KIAA1549: variants seen among roughly 807,000 people sequenced by gnomAD.
KIAA1549 encodes the protein UPF0606 protein KIAA1549.
A neutral mutation model predicts 156.4 loss-of-function variants in KIAA1549; 70 were observed. That is an observed-to-expected ratio of 0.45 (90% CI 0.37 to 0.55). The LOEUF (loss-of-function observed/expected upper bound fraction) is 0.55. KIAA1549 is among the 20% of genes least tolerant of loss of function. KIAA1549 has a pLI of 0.00. For synonymous variants in KIAA1549, 1,103 were observed against 1,066.4 expected, an observed-to-expected ratio of 1.03 and a Z score of -0.67; for missense variants, 2,428 against 2,540.9, an observed-to-expected ratio of 0.96 and a Z score of 0.96.
chr7:138,835,231 C>T lies in KIAA1549; in HGVS notation c.*2675G>A, dbSNP rs1169566497. The T allele has an allele frequency of 4.7e-6, 1 of 214,742 alleles. No homozygotes were observed. The highest frequency in any genetic ancestry group is 2.3e-5 in the African/African-American group (1 of 44,246). The allele number at this position is 214,742 out of a possible 1,614,324, so 13.3% of individuals were successfully genotyped here. ...AGCTAGTTTTTTCTGAGTTTGGTGA[C>T]TGGCAAAACTGTTGTGGCAGGCGTC... On this transcript the variant is annotated 3_prime_UTR_variant, in exon 20 of 20. Transcript: ENST00000422774.
Position 138,917,611 on chromosome 7 carries a change from A to T in KIAA1549, c.2015T>A (p.Leu672Ter). 1 of 1,613,934 alleles carries T rather than the reference A, an allele frequency of 6.2e-7. No individual in the cohort carries two copies. The highest frequency in any genetic ancestry group is 8.5e-7 in the Non-Finnish European group (1 of 1,179,866). ...SFSPLVETFT[L>*]FDSSDLQSSQ... ...TGACTGCAGATCACTAGAGTCAAAC[A>T]ATGTAAATGTCTCAACCAAGGGAGA... Residue 672 changes from leucine to a stop codon, truncating the protein, a stop_gained, in exon 2 of 20, where the codon TTG becomes TAG. Coordinates refer to ENST00000422774, the MANE Select transcript of KIAA1549 (RefSeq NM_001164665.2). LOFTEE classifies it high-confidence loss of function.
chr7:138,974,131 G>A (rs1814303568), intron 1 of KIAA1549, among the ~76,000 whole-genome samples: 1 of 152,182 alleles, frequency 6.6e-6, no homozygotes, highest in African/African-American at 2.4e-5. Flanking sequence ...TGGTCAACAG[G>A]TAAAGAAAAA....
At chr7:138,885,268 T>C (rs1304830786) in intron 10 of KIAA1549, among the ~76,000 whole-genome samples, 1 of 151,828 alleles carries the variant, frequency 6.6e-6, no homozygotes, top group Non-Finnish European at 1.5e-5. Flanking sequence ...ATATGTGGAG[T>C]CCTGATAAGT....
rs1461175830 is a variant in KIAA1549, at chr7:138,918,455, A to G, written c.1171T>C (p.Ser391Pro). Residue 391 changes from serine to proline, a missense_variant, in exon 2 of 20, where the codon TCC becomes CCC. By Grantham distance (74) the Ser-to-Pro change is moderately conservative. Around this residue, in one of 5 missense-constraint regions of KIAA1549, gnomAD observed 893 missense variants for 847.9 expected, o/e 1.05. Transcript: ENST00000422774. This position sits in a 1 kb window ranked among gnomAD's most constrained non-coding sequence, Gnocchi z 4.2. ...AGGGCTGAATTGCTATGCAATTCGGATGTTTTGCTGGAGTCGCTAGGGAGA... is the reference window on the plus strand; with the variant it reads ...AGGGCTGAATTGCTATGCAATTCGGGTGTTTTGCTGGAGTCGCTAGGGAGA... ...PFLPSDSSKT[S>P]ELHSNSALPG... 1 of 1,613,952 alleles carries G rather than the reference A, an allele frequency of 6.2e-7. No homozygotes were observed. Among genetic ancestry groups the G allele is most frequent in the Non-Finnish European group, 8.5e-7 (1 of 1,179,892 alleles).
chr7:138,978,277 T>C (rs1210617948), intron 1 of KIAA1549, among the ~76,000 whole-genome samples: 1 of 152,180 alleles, frequency 6.6e-6, no homozygotes, highest in Non-Finnish European at 1.5e-5. Flanking sequence ...TTCAGTAATT[T>C]CCAAATTCCC....
At position 138,899,094 on chromosome 7, in the gene KIAA1549, C is replaced by A. The variant is rs7802841; in HGVS notation, c.3708G>T (p.Pro1236=). 0.7 allele frequency: 1,129,868 copies of A among 1,613,098 alleles called. 397,852 individuals are homozygous for A. Among genetic ancestry groups the A allele is most frequent in the East Asian group, 0.91 (41,062 of 44,884 alleles). Residue 1236 remains proline (P), a synonymous_variant, in exon 9 of 20, where the codon CCG becomes CCT. Transcript: ENST00000422774. ...CCTCCACAAAGTAGATGAGCTGTACCGGATTGTCATCTCCCTCCAGCCTCG... is the reference window on the plus strand; with the variant it reads ...CCTCCACAAAGTAGATGAGCTGTACAGGATTGTCATCTCCCTCCAGCCTCG... ...NVSRLEGDDN[P]VQLIYFVEDQ... is the part of the protein sequence containing the mutation.
At chr7:138,888,941 C>T (rs10238046) in intron 10 of KIAA1549, among the ~76,000 whole-genome samples, 3,316 of 152,248 alleles carry the variant, frequency 0.022, 119 homozygotes, top group African/African-American at 0.076. Context: ...CTAACAGGAG[C>T]GATTTCCAAT....
Position 138,957,145 on chromosome 7 carries a change from C to T in KIAA1549, c.187+23938G>A, listed in dbSNP as rs146338047. ...GGCACAGGGGCATAAAACAGTTCAA[C>T]GCAGTTCCCCATATGGGGAATGACC... On this transcript the variant is annotated intron_variant, in intron 1 of 19. Transcript: ENST00000422774. Among the ~76,000 whole-genome samples, 54 of 152,302 alleles carry T rather than the reference C, an allele frequency of 3.5e-4. No individual in the cohort carries two copies. The East Asian group carries it at 8.9e-3, about 25-fold the overall frequency.
chr7:138,905,501 A>G (rs1165408756), intron 6 of KIAA1549, among the ~76,000 whole-genome samples: 1 of 152,238 alleles, frequency 6.6e-6, no homozygotes, highest in Non-Finnish European at 1.5e-5. Context: ...TTAGCCATAC[A>G]CACACTGAGC....
chr7:138,902,740 C>T (rs1811877140), intron 8 of KIAA1549, among the ~76,000 whole-genome samples: 1 of 151,962 alleles, frequency 6.6e-6, no homozygotes, highest in Admixed American at 6.6e-5. Flanking sequence ...ACCTGGGAGG[C>T]AGATGTTGTA....
Position 138,917,105 on chromosome 7 carries a change from C to G in KIAA1549, c.2521G>C (p.Asp841His). ...GAGGATCCTGATGGCAGGTACGCGT[C>G]AGTGATCAACACCGTACCAGTGGGA... is the stretch of plus-strand genomic sequence containing the variant. ...AIPTGTVLIT[D>H]AYLPSGSSFV... Residue 841 changes from aspartate to histidine, a missense_variant, in exon 2 of 20, where the codon GAC becomes CAC. This residue lies in a region of KIAA1549 where 762 missense variants were observed against 901.6 expected (regional missense o/e 0.85). Transcript: ENST00000422774. The G allele has an allele frequency of 6.2e-7, 1 of 1,611,082 alleles. No homozygotes were observed. The highest frequency in any genetic ancestry group is 8.5e-7 in the Non-Finnish European group (1 of 1,178,582).
intron 2 of KIAA1549, among the ~76,000 whole-genome samples, chr7:138,915,600 C>T (rs973965710): frequency 6.6e-6 from 1 of 151,964 alleles, no homozygotes; most frequent in African/African-American, 2.4e-5. Flanking sequence ...CCCAGCAACC[C>T]CGACCACAGA....
chr7:138,898,575 C>A (rs1811754205), intron 9 of KIAA1549, among the ~76,000 whole-genome samples: 1 of 152,118 alleles, frequency 6.6e-6, no homozygotes, highest in South Asian at 2.1e-4. Context: ...GACTCACTGT[C>A]CCCGCCAATG....
intron 1 of KIAA1549, among the ~76,000 whole-genome samples, chr7:138,978,271 G>T (rs1814439061): frequency 6.6e-6 from 1 of 152,034 alleles, no homozygotes; most frequent in Non-Finnish European, 1.5e-5. Context: ...GTACCTTTCA[G>T]TAATTTCCAA....
At chr7:138,895,432 G>C (rs888411772) in intron 9 of KIAA1549, among the ~76,000 whole-genome samples, 12 of 152,132 alleles carry the variant, frequency 7.9e-5, no homozygotes, top group African/African-American at 2.9e-4. Flanking sequence ...CCATACAATG[G>C]AATATCATTC....
rs2130378811 is a variant in KIAA1549 at position 138,868,014 on chromosome 7, C to A, written c.4890G>T (p.Arg1630Ser). The part of the protein sequence containing the change: ...ITTDSDGTYR[R>S]PPGVHNSAYI... The stretch of plus-strand genomic sequence containing the variant: ...AGGCTGAGTTGTGGACGCCGGGGGG[C>A]CTCCTGTAGGTGCCATCGCTGTCTG... Residue 1630 changes from arginine to serine, a missense_variant, in exon 15 of 20, where the codon AGG becomes AGT. Around this residue, in one of 5 missense-constraint regions of KIAA1549, gnomAD observed 404 missense variants for 417.0 expected, o/e 0.97. Coordinates refer to ENST00000422774, the MANE Select transcript of KIAA1549 (RefSeq NM_001164665.2). 1 of 1,613,956 alleles carries A rather than the reference C, an allele frequency of 6.2e-7. No individual in the cohort carries two copies.
intron 1 of KIAA1549, among the ~76,000 whole-genome samples, chr7:138,949,348 G>A (rs774517105): frequency 2.8e-4 from 42 of 152,244 alleles, no homozygotes; most frequent in Admixed American, 9.2e-4. Context: ...CTCTTCATAT[G>A]TGACACAAAA....
chr7:138,945,677 C>T (rs1486767973), intron 1 of KIAA1549, among the ~76,000 whole-genome samples: 1 of 152,218 alleles, frequency 6.6e-6, no homozygotes, highest in African/African-American at 2.4e-5. Flanking sequence ...ACCACCTGTA[C>T]TTTAAAACCA....
intron 1 of KIAA1549, among the ~76,000 whole-genome samples, chr7:138,946,803 C>T (rs983081464): frequency 7.9e-5 from 12 of 152,146 alleles, no homozygotes; most frequent in African/African-American, 2.4e-4. Context: ...TCCCTGACTC[C>T]ACCCCGTCTG....
Sources: allele counts gnomAD v4.1 joint callset (sites outside exome capture counted in the v4.1 genomes callset), GRCh38; gene constraint gnomAD v4.1.1; regional missense constraint gnomAD v4.1.1; non-coding constraint Gnocchi (gnomAD v3.1); transcripts MANE v1.5; gene names NCBI Gene and HGNC (gene_info 2026-07-23, HGNC 2026-07-21).